CPT1A: variants seen among roughly 807,000 people sequenced by gnomAD.
CPT1A encodes the protein carnitine O-palmitoyltransferase 1, liver isoform.
CPT1A carries 64 observed loss-of-function variants against 100.8 expected under a neutral mutation model. The observed-to-expected ratio is 0.63, with a 90% CI of 0.52 to 0.78. The LOEUF (loss-of-function observed/expected upper bound fraction) is 0.78. Ranked by LOEUF, CPT1A falls within the 30% of genes least tolerant of loss-of-function variation. CPT1A has a pLI of 0.00. For synonymous variants in CPT1A, 363 were observed against 396.0 expected, an observed-to-expected ratio of 0.92 and a Z score of 0.99; for missense variants, 802 against 1,034.1, an observed-to-expected ratio of 0.78 and a Z score of 3.08.
At position 68,776,982 on chromosome 11, in the gene CPT1A, G is replaced by A. The variant is rs1014123697; in HGVS notation, c.1459-1550C>T. On this transcript the variant is annotated intron_variant, in intron 12 of 18. Transcript: ENST00000265641. ...ACAACACAAGGTCGGGGTGACTGTC[G>A]GCTGGCGAGGCGGCGGGGCGGGTGG... 2.0e-5 allele frequency among the ~76,000 whole-genome samples: 3 copies of A among 152,170 alleles called. No homozygotes were observed. In the South Asian group the frequency reaches 6.2e-4, roughly 31 times the overall value.
chr11:68,823,412 G>A (rs868059959), intron 1 of CPT1A, among the ~76,000 whole-genome samples: 1 of 152,236 alleles, frequency 6.6e-6, no homozygotes, highest in Non-Finnish European at 1.5e-5. Context: ...TGATGGTGGG[G>A]GTGGATATGT....
upstream of CPT1A, among the ~76,000 whole-genome samples, chr11:68,843,019 C>T (rs1857190320): frequency 6.6e-6 from 1 of 152,214 alleles, no homozygotes; most frequent in Non-Finnish European, 1.5e-5. This position sits in a 1 kb window ranked among gnomAD's most constrained non-coding sequence, Gnocchi z 4.0. Context: ...ACCACTTCTT[C>T]TAGTTATGAA....
intron 1 of CPT1A, among the ~76,000 whole-genome samples, chr11:68,821,063 C>G (rs898508269): frequency 6.6e-6 from 1 of 152,194 alleles, no homozygotes; most frequent in Non-Finnish European, 1.5e-5. Flanking sequence ...GGTGCAATCT[C>G]GGGTTCAAGT....
At chr11:68,780,065 G>A (rs774943895) in intron 12 of CPT1A, among the ~76,000 whole-genome samples, 7 of 152,060 alleles carry the variant, frequency 4.6e-5, no homozygotes, top group African/African-American at 1.7e-4. Context: ...GTGAAGCTGC[G>A]GCCTGAGAGT....
rs528909080 is a variant in CPT1A, at chr11:68,796,808, G to A, written c.771+48C>T. The A allele has an allele frequency of 1.2e-5, 19 of 1,584,932 alleles. No homozygotes were observed. The African/African-American group carries it at 1.2e-4, about 10-fold the overall frequency. ...AGACGCCACCTCTGTGGACAGACCC[G>A]CCGCCCCACCGTCCTCGTCAGACAG... On this transcript the variant is annotated intron_variant, in intron 7 of 18. Coordinates refer to ENST00000265641, the MANE Select transcript of CPT1A (RefSeq NM_001876.4).
At chr11:68,807,958 G>C (rs1282908010) in intron 3 of CPT1A, among the ~76,000 whole-genome samples, 2 of 152,212 alleles carry the variant, frequency 1.3e-5, no homozygotes, top group Admixed American at 1.3e-4. Flanking sequence ...GGGCTAATTT[G>C]TGTCTTCTGG....
chr11:68,814,543 C>T (rs1437221694), intron 2 of CPT1A, among the ~76,000 whole-genome samples: 2 of 152,012 alleles, frequency 1.3e-5, no homozygotes, highest in Non-Finnish European at 2.9e-5. Flanking sequence ...CTCCTGACCT[C>T]GTGATCCACC....
At chr11:68,840,546 G>A (rs1218731364) in intron 1 of CPT1A, among the ~76,000 whole-genome samples, 1 of 152,206 alleles carries the variant, frequency 6.6e-6, no homozygotes, top group Non-Finnish European at 1.5e-5. Context: ...ATAACACACG[G>A]AGCCGAGAGG....
intron 9 of CPT1A, among the ~76,000 whole-genome samples, chr11:68,789,011 C>T (rs1855546534): frequency 6.6e-6 from 1 of 151,424 alleles, no homozygotes; most frequent in Admixed American, 6.6e-5. Flanking sequence ...CTGAGCGTCA[C>T]TTAGAAAGGA....
chr11:68,832,857 G>C (rs910325793), intron 1 of CPT1A, among the ~76,000 whole-genome samples: 12 of 152,236 alleles, frequency 7.9e-5, no homozygotes, highest in Non-Finnish European at 2.9e-5. Context: ...TAGCTCAGCA[G>C]GAATACCAGG....
chr11:68,797,017 AG>A, intron 6 of CPT1A, 84 bp from the exon 7 acceptor site: 1 of 1,334,484 alleles, frequency 7.5e-7, no homozygotes. Context: ...GCCGCGGGGA[AG>A]GGCAGGCAGT....
chr11:68,803,869 G>T, intron 5 of CPT1A, 131 bp downstream of exon 5: 1 of 684,196 alleles, frequency 1.5e-6, no homozygotes, highest in Non-Finnish European at 2.6e-6. Context: ...GAGTTCCTAT[G>T]AGAACCCTAC....
intron 1 of CPT1A, among the ~76,000 whole-genome samples, chr11:68,815,728 G>A (rs947487951): frequency 6.6e-6 from 1 of 152,072 alleles, no homozygotes; most frequent in Non-Finnish European, 1.5e-5. Context: ...AGTCAGGCCC[G>A]TGGTACCCCA....
At chr11:68,821,802 TC>T (rs1422090093) in intron 1 of CPT1A, among the ~76,000 whole-genome samples, 5 of 152,242 alleles carry the variant, frequency 3.3e-5, no homozygotes, top group Non-Finnish European at 7.4e-5. Context: ...TAGGTTTGGT[TC>T]TGTCCGCAAA....
chr11:68,842,001 G>A (rs1292497485), upstream of CPT1A: 3 of 980,064 alleles, frequency 3.1e-6, no homozygotes, highest in Admixed American at 6.2e-5. Context: ...GCGGGGCGGG[G>A]CGTCCGCGGG....
At chr11:68,803,289 A>G (rs1855953939) in intron 5 of CPT1A, among the ~76,000 whole-genome samples, 1 of 152,222 alleles carries the variant, frequency 6.6e-6, no homozygotes, top group Admixed American at 6.6e-5. Flanking sequence ...GATGCCACTT[A>G]TATGAGGTCC....
chr11:68,803,462 G>A (rs912316899), intron 5 of CPT1A, among the ~76,000 whole-genome samples: 10 of 152,262 alleles, frequency 6.6e-5, no homozygotes, highest in Middle Eastern at 3.4e-3. Context: ...TGTAATCCCA[G>A]AACTTTGGGA....
At chr11:68,783,634 G>A (rs565627295) in intron 10 of CPT1A, among the ~76,000 whole-genome samples, 114 of 152,332 alleles carry the variant, frequency 7.5e-4, no homozygotes, top group African/African-American at 2.5e-3. Flanking sequence ...TCTCAGCTGG[G>A]GACAACAGTG....
At chr11:68,768,018 A>G (rs982365229) in intron 14 of CPT1A, among the ~76,000 whole-genome samples, 5 of 147,278 alleles carry the variant, frequency 3.4e-5, no homozygotes, top group Admixed American at 6.8e-5. Context: ...GGCAAAATCA[A>G]CTTCTAAATA....
Sources: gnomAD v4.1 joint callset for allele counts (sites outside exome capture counted in the v4.1 genomes callset) on GRCh38, gnomAD v4.1.1 for gene constraint, Gnocchi (gnomAD v3.1) non-coding constraint, MANE v1.5 for transcripts, NCBI Gene and HGNC (gene_info 2026-07-23, HGNC 2026-07-21) for gene names.